HIVEP3: variants seen among roughly 807,000 people sequenced by gnomAD.
HIVEP3 encodes transcription factor HIVEP3.
Under a neutral mutation model 152.8 loss-of-function variants are expected in HIVEP3, and 49 were observed. The observed-to-expected ratio is 0.32, with a 90% CI of 0.26 to 0.41. The LOEUF is 0.41. Ranked by LOEUF, HIVEP3 falls within the 10% of genes least tolerant of loss-of-function variation. The probability of loss-of-function intolerance (pLI) is 1.00; values close to 1 mark genes in which losing one functional copy is unlikely to be tolerated. For synonymous variants in HIVEP3, 1,269 were observed against 1,289.0 expected (o/e 0.98, Z 0.33); for missense variants, 2,790 against 3,103.3 (o/e 0.90, Z 2.40).
intron 3 of HIVEP3, among the ~76,000 whole-genome samples, chr1:41,625,150 G>A (rs1021358790): frequency 3.0e-4 from 32 of 107,434 alleles, no homozygotes; most frequent in Admixed American, 7.0e-4. Flanking sequence ...CTGACAGAGC[G>A]AGATTCCAAC....
At chr1:41,917,210 C>T (rs992368804) in intron 1 of HIVEP3, among the ~76,000 whole-genome samples, 1 of 152,190 alleles carries the variant, frequency 6.6e-6, no homozygotes, top group African/African-American at 2.4e-5. Context: ...GGGCACACGT[C>T]TGATCATTAC....
At chr1:41,744,680 T>C (rs1003462190) in intron 1 of HIVEP3, among the ~76,000 whole-genome samples, 9 of 152,242 alleles carry the variant, frequency 5.9e-5, no homozygotes, top group African/African-American at 2.2e-4. Flanking sequence ...AGCGTGGTTT[T>C]ATAGGGTGGG....
intron 1 of HIVEP3, among the ~76,000 whole-genome samples, chr1:41,720,860 C>T (rs1468216284): frequency 6.6e-6 from 1 of 152,178 alleles, no homozygotes; most frequent in Non-Finnish European, 1.5e-5. Context: ...GAATATTATT[C>T]AGCCTTAAAA....
intron 1 of HIVEP3, among the ~76,000 whole-genome samples, chr1:41,779,134 C>T (rs531443555): frequency 1.3e-5 from 2 of 152,342 alleles, no homozygotes; most frequent in South Asian, 4.1e-4. Flanking sequence ...GCCCACCTGC[C>T]TGGATCACTT....
At chr1:41,823,791 C>T (rs1247879963) in intron 1 of HIVEP3, among the ~76,000 whole-genome samples, 2 of 152,204 alleles carry the variant, frequency 1.3e-5, no homozygotes, top group African/African-American at 4.8e-5. Context: ...TTTGTCCTTC[C>T]TTCTGGTGTC....
At chr1:41,991,927 A>G (rs348133) in intron 1 of HIVEP3, among the ~76,000 whole-genome samples, 87,502 of 116,068 alleles carry the variant, frequency 0.75, 33,314 homozygotes, top group East Asian at 0.94. Context: ...ATGCAGAAAA[A>G]GCCTTTGACA....
At chr1:41,884,455 G>A (rs72963283) in intron 1 of HIVEP3, among the ~76,000 whole-genome samples, 10,697 of 152,224 alleles carry the variant, frequency 0.07, 1,224 homozygotes, top group African/African-American at 0.24. Flanking sequence ...TAACCATCCC[G>A]GGATTGCAGG....
At chr1:41,554,224 C>G (rs1246208828) in intron 5 of HIVEP3, among the ~76,000 whole-genome samples, 1 of 152,052 alleles carries the variant, frequency 6.6e-6, no homozygotes, top group African/African-American at 2.4e-5. Context: ...CTAAACTGCT[C>G]TTCTCACTTT....
At chr1:41,837,895 A>G (rs1434094642) in intron 1 of HIVEP3, among the ~76,000 whole-genome samples, 1 of 152,050 alleles carries the variant, frequency 6.6e-6, no homozygotes, top group East Asian at 1.9e-4. Flanking sequence ...ATTGCCTTCT[A>G]TCTTAGCAAC....
chr1:41,774,525 C>T (rs995329445), intron 1 of HIVEP3, among the ~76,000 whole-genome samples: 1 of 152,186 alleles, frequency 6.6e-6, no homozygotes, highest in Non-Finnish European at 1.5e-5. Context: ...AATACTTTTA[C>T]ATACACATAT....
chr1:41,807,763 G>A (rs575066029), intron 1 of HIVEP3, among the ~76,000 whole-genome samples: 1 of 152,332 alleles, frequency 6.6e-6, no homozygotes, highest in African/African-American at 2.4e-5. Flanking sequence ...CCCCATCTGG[G>A]GAAGCATTTC....
chr1:41,959,176 G>A lies in HIVEP3; in HGVS notation n.120-40652C>T, dbSNP rs140025969. On this transcript the variant is annotated intron_variant and non_coding_transcript_variant, in intron 1 of 3. Coordinates refer to the HIVEP3 transcript ENST00000489103. ...CCTGATGCTGCTAAACATTCAAACC[G>A]CTAGCCACAAAAGCCAATTCTGAGA... is the stretch of plus-strand genomic sequence containing the variant. 2.3e-4 allele frequency among the ~76,000 whole-genome samples: 35 copies of A among 152,132 alleles called. No individual in the cohort carries two copies. The East Asian group carries it at 6.4e-3, about 28-fold the overall frequency.
chr1:41,582,816 T>C lies in HIVEP3; in HGVS notation c.1982A>G (p.His661Arg). ...RYKKRDNYEA[H>R]KKYYCSELQI... ...AAGCTCTGAGCAGTAGTATTTTTTG[T>C]GGGCTTCGTAGTTATCCCTTTTCTT... Residue 661 changes from histidine to arginine, a missense_variant, in exon 4 of 9, where the codon CAC becomes CGC. Physicochemically the swap from His to Arg is conservative, Grantham distance 29. Around this residue, in one of 9 missense-constraint regions of HIVEP3, gnomAD observed 339 missense variants for 327.0 expected, o/e 1.04. Coordinates refer to ENST00000372583, the MANE Select transcript of HIVEP3 (RefSeq NM_024503.5). The surrounding 1 kb of genome is among the most constrained non-coding windows in gnomAD (Gnocchi z 4.7). The C allele has an allele frequency of 6.2e-7, 1 of 1,614,190 alleles. No individual in the cohort carries two copies. Among genetic ancestry groups the C allele is most frequent in the Non-Finnish European group, 8.5e-7 (1 of 1,180,022 alleles).
At chr1:41,559,435 C>A (rs1644022229) in intron 5 of HIVEP3, among the ~76,000 whole-genome samples, 1 of 152,228 alleles carries the variant, frequency 6.6e-6, no homozygotes, top group Non-Finnish European at 1.5e-5. Flanking sequence ...CCACCCCAGG[C>A]CTCCCTGGCA....
At chr1:41,625,179 AAAAAAAAAAAAAAG>A in intron 3 of HIVEP3, among the ~76,000 whole-genome samples, 1 of 149,496 alleles carries the variant, frequency 6.7e-6, no homozygotes, top group South Asian at 2.1e-4. Flanking sequence ...AAAAAAAAAA[AAAAAAAAAAAAAAG>A]AATTCCTTAA....
chr1:41,986,030 T>A (rs1021267497), intron 1 of HIVEP3, among the ~76,000 whole-genome samples: 8 of 152,196 alleles, frequency 5.3e-5, no homozygotes, highest in African/African-American at 1.9e-4. Flanking sequence ...GAGGCAGCCA[T>A]CTGGAAAGTT....
At position 41,575,681 on chromosome 1, in the gene HIVEP3, G is replaced by C. The variant is rs1644317700; in HGVS notation, c.5070C>G (p.Leu1690=). Residue 1690 remains leucine, a synonymous_variant, in exon 5 of 9, where the codon CTC becomes CTG. Coordinates refer to ENST00000372583, the MANE Select transcript of HIVEP3 (RefSeq NM_024503.5). ...GGCCTTCCGGGGAAACCAGTGAAGG[G>C]AGGTGAACCTGGCCCACCGCAGGAA... ...SRKPRMTEVH[L]PSLVSPEGQK... 2.5e-6 allele frequency: 4 copies of C among 1,613,934 alleles called. No homozygotes were observed. The highest frequency in any genetic ancestry group is 3.4e-6 in the Non-Finnish European group (4 of 1,179,966).
At chr1:41,640,394 G>A (rs1392515872) in intron 2 of HIVEP3, among the ~76,000 whole-genome samples, 4 of 152,158 alleles carry the variant, frequency 2.6e-5, no homozygotes, top group Non-Finnish European at 5.9e-5. Context: ...ACTCTACACA[G>A]GGGAGCAGAG....
intron 1 of HIVEP3, among the ~76,000 whole-genome samples, chr1:42,006,737 G>A (rs992624716): frequency 2.0e-5 from 3 of 152,096 alleles, no homozygotes; most frequent in Admixed American, 6.5e-5. Flanking sequence ...CTGTACACCC[G>A]TGAGAATGAA....
Sources: allele counts gnomAD v4.1 joint callset (sites outside exome capture counted in the v4.1 genomes callset), GRCh38; gene constraint gnomAD v4.1.1; regional missense constraint gnomAD v4.1.1; non-coding constraint Gnocchi (gnomAD v3.1); transcripts MANE v1.5; gene names NCBI Gene and HGNC (gene_info 2026-07-23, HGNC 2026-07-21).